Variants in SSX3 observed in about 807,000 individuals in gnomAD.
SSX3 encodes the protein SSX family member 3, also known as protein SSX3.
A neutral mutation model predicts 14.8 loss-of-function variants in SSX3; 6 were observed. The observed-to-expected ratio is 0.41, with a 90% CI of 0.22 to 0.80. The LOEUF is 0.80. Ranked by LOEUF, SSX3 falls within the 30% of genes least tolerant of loss-of-function variation. The pLI is 0.34. For missense variants in SSX3, 163 were observed against 152.2 expected (o/e 1.07, Z -0.37); for synonymous variants, 55 against 52.9 (o/e 1.04, Z -0.18).
chrX:48,347,198 A>G (rs781834543), intron 7 of SSX3, among the ~76,000 whole-genome samples, 163 bp from the exon 8 acceptor site: 1 of 112,586 alleles, frequency 8.9e-6, no homozygotes, highest in African/African-American at 3.2e-5. Flanking sequence ...CCATCTGTTC[A>G]TGCCACAGTG....
chrX:48,353,869 T>G (rs2061273640), intron 4 of SSX3, 130 bp downstream of exon 4: 1 of 640,641 alleles, frequency 1.6e-6, no homozygotes, highest in Non-Finnish European at 2.5e-6. Flanking sequence ...ACTTTCTGCA[T>G]GCAATTTTTT....
intron 6 of SSX3, among the ~76,000 whole-genome samples, chrX:48,347,854 G>A (rs1200592576): frequency 8.9e-6 from 1 of 111,898 alleles, no homozygotes; most frequent in Non-Finnish European, 1.9e-5. Flanking sequence ...CTTCACTTAC[G>A]GGAACATTCC....
At chrX:48,353,121 ACTTT>A (rs1465842483) in intron 4 of SSX3, among the ~76,000 whole-genome samples, 65 of 106,165 alleles carry the variant, frequency 6.1e-4, no homozygotes, top group Non-Finnish European at 1.0e-3. Flanking sequence ...CAGTTTTAAC[ACTTT>A]CTTTCTTTTT....
In SSX3 at chrX:48,347,577, G is replaced by T. The variant is rs1447039082; in HGVS notation, c.494C>A (p.Thr165Asn). 1 of 1,208,245 alleles carries T rather than the reference G, an allele frequency of 8.3e-7. No homozygotes were observed. Among genetic ancestry groups the T allele is most frequent in the African/African-American group, 1.8e-5 (1 of 57,109 alleles). ...SGPKRGEHAWTHRLRERKQLV... is the reference protein window; with the variant it reads ...SGPKRGEHAWNHRLRERKQLV... ...CTGCTTTCTCTCACGCAGTCTGTGG[G>T]TCCAGGCATGTTCCCCCCTTTTGGG... Residue 165 changes from threonine (T) to asparagine (N), a missense_variant, in exon 7 of 8, where the codon ACC becomes AAC. Transcript: ENST00000298396.
intron 5 of SSX3, among the ~76,000 whole-genome samples, chrX:48,351,371 A>C (rs1368860091): frequency 4.5e-5 from 5 of 111,140 alleles, no homozygotes; most frequent in East Asian, 2.9e-4. Flanking sequence ...CAGACAAGGC[A>C]CTCAAGGAGC....
At chrX:48,349,899 A>G (rs782101149) in intron 6 of SSX3, 88 bp downstream of exon 6, 9 of 1,188,942 alleles carry the variant, frequency 7.6e-6, no homozygotes, top group Admixed American at 2.3e-5. Flanking sequence ...ACCCAGGGTT[A>G]TCTGGGATCC....
Position 48,355,329 on chromosome X carries a change from A to T in SSX3, c.-20-60T>A, listed in dbSNP as rs1219207681. On this transcript the variant is annotated intron_variant, in intron 1 of 7. Transcript: ENST00000298396. ...AGGACCTTTGGTCTTGTGGAGGGAG[A>T]AATCAGTGAAGGCCGGCCACTCAGT... 2.8e-6 allele frequency: 3 copies of T among 1,071,734 alleles called. No homozygotes were observed. In the South Asian group the frequency reaches 6.0e-5, roughly 21 times the overall value. The allele number at this position is 1,071,734 out of a possible 1,213,427, so 88.3% of individuals were successfully genotyped here.
At chrX:48,347,418 G>A in intron 7 of SSX3, 82 bp downstream of exon 7, 1 of 1,169,422 alleles carries the variant, frequency 8.6e-7, no homozygotes. Flanking sequence ...GATTTGGGGA[G>A]CAAGTGACAG....
chrX:48,355,931 C>G (rs782099881), intron 1 of SSX3, among the ~76,000 whole-genome samples: 125 of 111,792 alleles, frequency 1.1e-3, no homozygotes, highest in African/African-American at 3.9e-3. Context: ...AATCCCAGCA[C>G]TTTGGGAGGC....
At chrX:48,347,905 C>G (rs182223897) in intron 6 of SSX3, among the ~76,000 whole-genome samples, 1 of 112,612 alleles carries the variant, frequency 8.9e-6, no homozygotes, top group Admixed American at 9.4e-5. Flanking sequence ...GTTAAAGCCA[C>G]ACAGGCATAC....
intron 6 of SSX3, chrX:48,348,380 G>C: frequency 1.9e-6 from 1 of 518,352 alleles, no homozygotes; most frequent in Non-Finnish European, 3.5e-6. Context: ...TTAATGTTTT[G>C]TGTCTTCTGA....
chrX:48,356,341 T>C (rs2061287646), intron 1 of SSX3, among the ~76,000 whole-genome samples: 1 of 110,206 alleles, frequency 9.1e-6, no homozygotes, highest in African/African-American at 3.3e-5. Flanking sequence ...CTCCGCCTCT[T>C]GGGTTCAGGC....
At position 48,354,032 on chromosome X, in the gene SSX3, C is replaced by A. The variant is rs1556950434; in HGVS notation, c.247G>T (p.Asp83Tyr). 8.3e-7 allele frequency: 1 copy of A among 1,210,073 alleles called. No individual in the cohort carries two copies. The highest frequency in any genetic ancestry group is 2.2e-5 in the Admixed American group (1 of 45,874). The change falls in exon 4 of 8, where the codon GAT becomes TAT. Residue 83 changes from aspartate to tyrosine, a missense_variant. Transcript: ENST00000298396. Reference sequence around the variant, plus strand: ...CCACGGTTAGGGTCATTATCAAAATCATTCCCCTGGAAGTCTGTGACCCGT... The same window carrying A: ...CCACGGTTAGGGTCATTATCAAAATAATTCCCCTGGAAGTCTGTGACCCGT... ...NKRVTDFQGN[D>Y]FDNDPNRGNQ...
intron 7 of SSX3, among the ~76,000 whole-genome samples, 161 bp downstream of exon 7, chrX:48,347,339 T>C (rs2061243209): frequency 9.0e-6 from 1 of 111,468 alleles, no homozygotes; most frequent in Non-Finnish European, 1.9e-5. Flanking sequence ...GGGCAGGGAG[T>C]AGAAAGAGCA....
chrX:48,349,162 G>A (rs782153733), intron 6 of SSX3, among the ~76,000 whole-genome samples: 4 of 112,219 alleles, frequency 3.6e-5, no homozygotes, highest in Non-Finnish European at 5.6e-5. Context: ...ACTTTGAAAG[G>A]AGTTCTACTG....
rs782726482 is a variant in SSX3 at position 48,354,957 on chromosome X, C to G, written c.70-211G>C. 6 of 752,342 alleles carry G rather than the reference C, an allele frequency of 8.0e-6. No homozygotes were observed. The East Asian group carries it at 9.1e-4, about 115-fold the overall frequency. The allele number at this position is 752,342 out of a possible 1,213,427, so 62.0% of individuals were successfully genotyped here. On this transcript the variant is annotated intron_variant, in intron 2 of 7. Transcript: ENST00000298396. ...ATGCTGCTGGCTGGCTCTCCTCCCA[C>G]CTTCCAGAATGGACTGAGAGTCACC...
chrX:48,351,534 A>C (rs2061263154), intron 5 of SSX3, among the ~76,000 whole-genome samples: 1 of 112,654 alleles, frequency 8.9e-6, no homozygotes, highest in Non-Finnish European at 1.9e-5. Context: ...CCTAGTGAGC[A>C]ACATCTGAAC....
chrX:48,353,656 A>G (rs1260650487), intron 4 of SSX3, among the ~76,000 whole-genome samples: 1 of 110,757 alleles, frequency 9.0e-6, no homozygotes, highest in Non-Finnish European at 1.9e-5. Flanking sequence ...CACACTATCA[A>G]CAAGTCACAG....
At chrX:48,354,823 T>C (rs2061279387) in intron 2 of SSX3, 77 bp from the exon 3 acceptor site, 4 of 1,191,942 alleles carry the variant, frequency 3.4e-6, no homozygotes, top group African/African-American at 3.5e-5. Flanking sequence ...TCGCTTCCTG[T>C]GTGCTGGATC....
Sources: allele counts gnomAD v4.1 joint callset (sites outside exome capture counted in the v4.1 genomes callset), GRCh38; gene constraint gnomAD v4.1.1; transcripts MANE v1.5; gene names NCBI Gene and HGNC (gene_info 2026-07-23, HGNC 2026-07-21).